Variants in CNGB1 observed in about 807,000 individuals in gnomAD.
CNGB1 encodes the protein cyclic nucleotide gated channel subunit beta 1, also known as cyclic nucleotide-gated channel beta-1.
CNGB1 carries 126 observed loss-of-function variants against 151.7 expected under a neutral mutation model. The ratio of observed to expected loss-of-function variants is 0.83; its 90% CI spans 0.72 to 0.96. The LOEUF (loss-of-function observed/expected upper bound fraction) is 0.96, where lower values mean the gene tolerates loss of function less well. Ranked by LOEUF, CNGB1 falls within the 40% of genes least tolerant of loss-of-function variation. CNGB1 has a pLI of 0.00. For missense variants in CNGB1, 1,698 were observed against 1,627.0 expected, an observed-to-expected ratio of 1.04 and a Z score of -0.75; for synonymous variants, 623 against 635.1, an observed-to-expected ratio of 0.98 and a Z score of 0.29.
intron 31 of CNGB1, among the ~76,000 whole-genome samples, chr16:57,895,397 C>T (rs1290539777): frequency 5.4e-5 from 8 of 149,136 alleles, no homozygotes; most frequent in Admixed American, 4.0e-4. Flanking sequence ...AGTGAAACTC[C>T]GTCTCAAAAA....
chr16:57,917,197 G>C, intron 21 of CNGB1, 71 bp downstream of exon 21: 1 of 1,273,054 alleles, frequency 7.9e-7, no homozygotes, highest in Non-Finnish European at 1.1e-6. Flanking sequence ...AGCATCAGGG[G>C]TCAGTGCCCT....
rs367858527 is a variant in CNGB1, at chr16:57,884,332, T to C, written c.3588A>G (p.Pro1196=). Residue 1196 remains proline (P), a synonymous_variant, in exon 33 of 33, where the codon CCA becomes CCG. Transcript: ENST00000251102. Reference sequence around the variant, plus strand: ...GGGAGGCAGGCGGTGGAGAGCTCGGTGGAGACCCCGGGGGCTCGGGGGGCG... The same window carrying C: ...GGGAGGCAGGCGGTGGAGAGCTCGGCGGAGACCCCGGGGGCTCGGGGGGCG... ...PRTPPEPPGS[P]PSSPPPASLG... 9.9e-6 allele frequency: 16 copies of C among 1,610,506 alleles called. No homozygotes were observed. In the African/African-American group the frequency reaches 2.0e-4, roughly 20 times the overall value.
At chr16:57,964,690 G>A (rs1251036217) in intron 2 of CNGB1, 146 bp from the exon 3 acceptor site, 2 of 855,408 alleles carry the variant, frequency 2.3e-6, no homozygotes, top group Non-Finnish European at 3.8e-6. Flanking sequence ...AAATCCTGTT[G>A]GCCTTACCTT....
chr16:57,944,315 G>T (rs1381674641), intron 14 of CNGB1, among the ~76,000 whole-genome samples: 1 of 152,158 alleles, frequency 6.6e-6, no homozygotes, highest in Non-Finnish European at 1.5e-5. Context: ...TCACTTATAC[G>T]TGGAGTGTAA....
chr16:57,961,908 A>G (rs1276489582), intron 7 of CNGB1, among the ~76,000 whole-genome samples: 1 of 152,208 alleles, frequency 6.6e-6, no homozygotes, highest in Non-Finnish European at 1.5e-5. Flanking sequence ...AGAAACTACA[A>G]ACTGGGAGCT....
Position 57,949,400 on chromosome 16 carries a change from C to T in CNGB1, c.1074G>A (p.Glu358=). The T allele has an allele frequency of 1.2e-6, 2 of 1,613,636 alleles. No individual in the cohort carries two copies. Among genetic ancestry groups the T allele is most frequent in the Non-Finnish European group, 1.7e-6 (2 of 1,180,016 alleles). The part of the protein sequence containing the change: ...SRIEEEKEDE[E]EEEEEEEEEE... ...CCTCCTCCTCCTCTTCCTCTTCCTC[C>T]TCCTCATCTTCTTTCTCCTCTTCAA... Residue 358 remains glutamate (E), a synonymous_variant, in exon 14 of 33, where the codon GAG becomes GAA. Transcript: ENST00000251102.
chr16:57,958,504 G>T lies in CNGB1; in HGVS notation c.762-19C>A. ...CACCAGCCTGCAGGTGGGAGAGAGT[G>T]TGCGGTGTCCAGGTGGGAAGGGTCA... is the stretch of plus-strand genomic sequence containing the variant. On this transcript the variant is annotated intron_variant, in intron 10 of 32. Coordinates refer to ENST00000251102, the MANE Select transcript of CNGB1 (RefSeq NM_001297.5). The T allele has an allele frequency of 6.2e-7, 1 of 1,611,288 alleles. No homozygotes were observed.
At chr16:57,955,352 T>A in intron 12 of CNGB1, 1 of 1,551,692 alleles carries the variant, frequency 6.4e-7, no homozygotes, top group South Asian at 1.2e-5. Flanking sequence ...TTCAGAGACC[T>A]CCAGCTCCCA....
intron 12 of CNGB1, chr16:57,955,093 G>C (rs895844839): frequency 1.4e-6 from 2 of 1,392,450 alleles, no homozygotes; most frequent in Admixed American, 2.9e-5. Flanking sequence ...CTGCTGTCTA[G>C]CCTAAATCTT....
chr16:57,916,871 A>G (rs534903509), intron 21 of CNGB1, among the ~76,000 whole-genome samples: 61 of 152,288 alleles, frequency 4.0e-4, no homozygotes, highest in African/African-American at 1.5e-3. Context: ...CATCGTTTCA[A>G]CCAATCCTCA....
intron 10 of CNGB1, among the ~76,000 whole-genome samples, chr16:57,958,855 T>A (rs2149385840): frequency 6.6e-6 from 1 of 151,898 alleles, no homozygotes; most frequent in Middle Eastern, 3.4e-3. Flanking sequence ...GCTGATGTGA[T>A]CATATCTCAC....
At chr16:57,957,856 C>T (rs964741673) in intron 11 of CNGB1, among the ~76,000 whole-genome samples, 7 of 152,312 alleles carry the variant, frequency 4.6e-5, no homozygotes, top group Admixed American at 6.5e-5. Context: ...GCCACACAGC[C>T]AGGAGAGAGA....
intron 16 of CNGB1, among the ~76,000 whole-genome samples, chr16:57,932,615 T>C (rs1050591645): frequency 6.6e-6 from 1 of 151,604 alleles, no homozygotes; most frequent in African/African-American, 2.4e-5. Context: ...AGTCTTGCTC[T>C]GTCACCCAGG....
In CNGB1 at chr16:57,960,169, G is replaced by C. The variant is rs187600030; in HGVS notation, c.584-104C>G. 319 of 1,504,170 alleles carry C rather than the reference G, an allele frequency of 2.1e-4. 1 individual carries two copies. The highest frequency in any genetic ancestry group is 2.1e-3 in the Middle Eastern group (9 of 4,376). 93.2% of individuals were successfully genotyped at this position (1,504,170 alleles called of 1,614,324 possible). A position where few individuals can be genotyped will look rare whatever the true frequency, so the allele number is the denominator to read the frequency against. On this transcript the variant is annotated intron_variant, in intron 9 of 32. Coordinates refer to ENST00000251102, the MANE Select transcript of CNGB1 (RefSeq NM_001297.5). ...ATTCGAGTCGCTAACAGGACTGAAT[G>C]GGGAGCCCTTTGGGACCACCTCACC... is the stretch of plus-strand genomic sequence containing the variant.
chr16:57,899,632 T>G (rs1960332055), intron 29 of CNGB1, among the ~76,000 whole-genome samples: 3 of 152,008 alleles, frequency 2.0e-5, no homozygotes, highest in African/African-American at 7.2e-5. Flanking sequence ...AGAGTGGGAC[T>G]TGGTCTCAAA....
intron 2 of CNGB1, among the ~76,000 whole-genome samples, chr16:57,965,631 T>C (rs1962375189): frequency 6.7e-6 from 1 of 150,258 alleles, no homozygotes; most frequent in South Asian, 2.1e-4. Flanking sequence ...TATATACACA[T>C]GTGGAGACAG....
intron 29 of CNGB1, among the ~76,000 whole-genome samples, chr16:57,898,951 G>T (rs1200771156): frequency 1.3e-5 from 2 of 152,104 alleles, no homozygotes; most frequent in Non-Finnish European, 2.9e-5. Context: ...CTAAAGATGA[G>T]GTCCTTCTAG....
intron 14 of CNGB1, among the ~76,000 whole-genome samples, chr16:57,949,134 G>A (rs8059447): frequency 9.4e-5 from 14 of 149,136 alleles, no homozygotes; most frequent in South Asian, 4.2e-4. Context: ...TAGTGTGTGT[G>A]GGGGGGGATG....
At chr16:57,901,151 G>A (rs1266840174) in intron 29 of CNGB1, among the ~76,000 whole-genome samples, 1 of 152,168 alleles carries the variant, frequency 6.6e-6, no homozygotes, top group African/African-American at 2.4e-5. Flanking sequence ...TGTGTTGACT[G>A]CATAGAGTCG....
Sources: allele counts gnomAD v4.1 joint callset (sites outside exome capture counted in the v4.1 genomes callset), GRCh38; gene constraint gnomAD v4.1.1; transcripts MANE v1.5; gene names NCBI Gene and HGNC (gene_info 2026-07-23, HGNC 2026-07-21).